PALM2AKAP2: variants seen among roughly 807,000 people sequenced by gnomAD.
The protein encoded by PALM2AKAP2 is PALM2 and AKAP2 fusion.
A neutral mutation model predicts 71.5 loss-of-function variants in PALM2AKAP2; 37 were observed. The ratio of observed to expected loss-of-function variants is 0.52; its 90% CI spans 0.40 to 0.68. The LOEUF (loss-of-function observed/expected upper bound fraction) is 0.68, where lower values mean the gene tolerates loss of function less well. Ranked by LOEUF, PALM2AKAP2 falls within the 30% of genes least tolerant of loss-of-function variation. The pLI is 0.00. For synonymous variants in PALM2AKAP2, 468 were observed against 478.8 expected, an observed-to-expected ratio of 0.98 and a Z score of 0.29; for missense variants, 1,224 against 1,191.8, an observed-to-expected ratio of 1.03 and a Z score of -0.40.
At chr9:109,855,217 C>T (rs1324682157) in intron 1 of PALM2AKAP2, among the ~76,000 whole-genome samples, 3 of 152,106 alleles carry the variant, frequency 2.0e-5, no homozygotes, top group Admixed American at 2.0e-4. Context: ...GGATTACAGG[C>T]ATGTGCTACC....
chr9:109,664,326 C>A (rs1304551144), intron 1 of PALM2AKAP2, among the ~76,000 whole-genome samples: 1 of 152,114 alleles, frequency 6.6e-6, no homozygotes. Flanking sequence ...GTGGCTGGTA[C>A]CGGTTGTTTC....
intron 1 of PALM2AKAP2, among the ~76,000 whole-genome samples, chr9:109,859,134 C>T (rs897361555): frequency 6.6e-6 from 1 of 152,052 alleles, no homozygotes; most frequent in African/African-American, 2.4e-5. Context: ...GTTAAATTAC[C>T]CCTTCTAAAA....
At chr9:109,735,350 G>A (rs901776035) in intron 1 of PALM2AKAP2, among the ~76,000 whole-genome samples, 5 of 151,614 alleles carry the variant, frequency 3.3e-5, no homozygotes, top group Non-Finnish European at 5.9e-5. Context: ...ATGCACATTC[G>A]CACACTTGGG....
At chr9:109,833,375 A>G (rs1828365182) in intron 1 of PALM2AKAP2, among the ~76,000 whole-genome samples, 1 of 152,142 alleles carries the variant, frequency 6.6e-6, no homozygotes, top group Non-Finnish European at 1.5e-5. Context: ...AAGAAAAAAT[A>G]AAACATGAAG....
intron 3 of PALM2AKAP2, 102 bp from the exon 10 acceptor site, chr9:110,161,992 C>T: frequency 6.8e-7 from 1 of 1,469,436 alleles, no homozygotes; most frequent in Non-Finnish European, 9.5e-7. Context: ...GTATTACTTC[C>T]CCTCCCATCC....
At chr9:109,903,463 T>C (rs1294855276) in intron 3 of PALM2AKAP2, among the ~76,000 whole-genome samples, 1 of 152,170 alleles carries the variant, frequency 6.6e-6, no homozygotes, top group Non-Finnish European at 1.5e-5. Flanking sequence ...AAGGCCCGAA[T>C]CCCTGGACCT....
chr9:110,168,791 C>A, exon 4 of PALM2AKAP2: 1 of 309,000 alleles, frequency 3.2e-6, no homozygotes, highest in Non-Finnish European at 6.1e-6. Flanking sequence ...ATGTTACAAG[C>A]AAATCAACAT....
chr9:110,134,802 A>G (rs1426145974), intron 1 of PALM2AKAP2, among the ~76,000 whole-genome samples: 2 of 152,172 alleles, frequency 1.3e-5, no homozygotes, highest in African/African-American at 2.4e-5. Context: ...TCCTATGTCA[A>G]TAATACCAGG....
intron 6 of PALM2AKAP2, among the ~76,000 whole-genome samples, chr9:109,971,283 C>CT (rs11392589): frequency 0.17 from 7,675 of 45,418 alleles, 1,322 homozygotes; most frequent in Non-Finnish European, 0.21. Context: ...CTCTTAGTCC[C>CT]TTTTTTTTTT....
At chr9:110,044,612 A>G (rs1365824323), upstream of PALM2AKAP2, among the ~76,000 whole-genome samples, 3 of 149,892 alleles carry the variant, frequency 2.0e-5, no homozygotes, top group Non-Finnish European at 4.4e-5. Flanking sequence ...TCGGCCTCCC[A>G]AAGTGTTGGG....
Position 109,996,778 on chromosome 9 carries a change from C to T in PALM2AKAP2, c.497-19176C>T, listed in dbSNP as rs138419145. The stretch of plus-strand genomic sequence containing the variant: ...ATGCCCAGATATGCATCTGTGTGTG[C>T]ACATGCACATGGGTGTGTGCATGGG... On this transcript the variant is annotated intron_variant, in intron 6 of 9. Coordinates refer to the PALM2AKAP2 transcript ENST00000302798. Among the ~76,000 whole-genome samples, 10 of 152,358 alleles carry T rather than the reference C, an allele frequency of 6.6e-5. No individual in the cohort carries two copies. The East Asian group carries it at 1.9e-3, about 29-fold the overall frequency.
At chr9:109,891,616 GA>G (rs1277405507) in intron 3 of PALM2AKAP2, among the ~76,000 whole-genome samples, 1 of 152,078 alleles carries the variant, frequency 6.6e-6, no homozygotes, top group Non-Finnish European at 1.5e-5. Flanking sequence ...TCAGCCTCCT[GA>G]ATAATTGGGA....
chr9:109,773,680 C>G (rs1314687525), intron 1 of PALM2AKAP2, among the ~76,000 whole-genome samples: 1 of 152,192 alleles, frequency 6.6e-6, no homozygotes, highest in Non-Finnish European at 1.5e-5. Context: ...TCAGAGCAGG[C>G]AAGTGACTTG....
intron 6 of PALM2AKAP2, among the ~76,000 whole-genome samples, chr9:109,955,257 C>A (rs1371972610): frequency 1.3e-5 from 2 of 152,138 alleles, no homozygotes. Context: ...GGATTCAAAT[C>A]TTCTAAGGGC....
At chr9:110,125,220 C>T (rs1835570136) in intron 1 of PALM2AKAP2, among the ~76,000 whole-genome samples, 8 of 152,166 alleles carry the variant, frequency 5.3e-5, no homozygotes, top group Admixed American at 5.2e-4. Context: ...TCCCAGGGCC[C>T]ACCTCTGAAT....
chr9:109,691,899 TATAC>T (rs1266889782), intron 1 of PALM2AKAP2, among the ~76,000 whole-genome samples: 1,122 of 62,378 alleles, frequency 0.018, 42 homozygotes, highest in East Asian at 0.049. Context: ...TATATATATA[TATAC>T]ACACACACAT....
chr9:110,048,751 G>T lies in PALM2AKAP2; in HGVS notation c.52G>T (p.Gly18Ter), dbSNP rs1450824872. The change falls in exon 1 of 4, where the codon GGA becomes TGA. Residue 18 changes from glycine to a stop codon, truncating the protein, a stop_gained. Transcript: ENST00000374525. LOFTEE classifies it high-confidence loss of function. ...CGCTCGCCTTCCCCCGGAGTCTCCT[G>T]GACCCCCGGAGTCTCCTGGACCCCC... 7.3e-7 allele frequency: 1 copy of T among 1,367,226 alleles called. No homozygotes were observed. The allele number at this position is 1,367,226 out of a possible 1,614,324, so 84.7% of individuals were successfully genotyped here.
intron 7 of PALM2AKAP2, among the ~76,000 whole-genome samples, chr9:110,035,976 C>G (rs1254426141): frequency 6.6e-6 from 1 of 151,736 alleles, no homozygotes; most frequent in Non-Finnish European, 1.5e-5. Flanking sequence ...GAGTCTTGCT[C>G]TGTCGCCCAG....
chr9:109,863,566 GAAGAGTTA>G, intron 1 of PALM2AKAP2, among the ~76,000 whole-genome samples: 1 of 152,154 alleles, frequency 6.6e-6, no homozygotes, highest in Non-Finnish European at 1.5e-5. Flanking sequence ...ATGAAGGCCC[GAAGAGTTA>G]CTGGTTTTGT....
Sources: gnomAD v4.1 joint callset for allele counts (sites outside exome capture counted in the v4.1 genomes callset) on GRCh38, gnomAD v4.1.1 for gene constraint, MANE v1.5 for transcripts, NCBI Gene and HGNC (gene_info 2026-07-23, HGNC 2026-07-21) for gene names.